The following NDST4 variants were observed in gnomAD, a reference collection of about 807,000 sequenced individuals.
NDST4 encodes the protein N-deacetylase and N-sulfotransferase 4.
NDST4 carries 63 observed loss-of-function variants against 100.8 expected under a neutral mutation model. The observed-to-expected ratio is 0.62, with a 90% CI of 0.51 to 0.77. The LOEUF is 0.77. Among genes scored for constraint, NDST4 ranks in the 30% least tolerant of loss-of-function variants. The pLI is 0.00. For synonymous variants in NDST4, 377 were observed against 361.8 expected, an observed-to-expected ratio of 1.04 and a Z score of -0.48; for missense variants, 943 against 1,018.4, an observed-to-expected ratio of 0.93 and a Z score of 1.01.
At chr4:114,866,229 C>A (rs1230006430) in intron 7 of NDST4, among the ~76,000 whole-genome samples, 2 of 152,200 alleles carry the variant, frequency 1.3e-5, no homozygotes, top group Non-Finnish European at 2.9e-5. Context: ...TTTTCACAAC[C>A]ATGAAGCTCT....
chr4:115,043,627 T>G (rs969176263), intron 2 of NDST4, among the ~76,000 whole-genome samples: 1 of 152,058 alleles, frequency 6.6e-6, no homozygotes, highest in East Asian at 1.9e-4. Flanking sequence ...GACTGATTGG[T>G]TGATTCAGAG....
chr4:115,097,330 A>G (rs1729639620), intron 1 of NDST4, among the ~76,000 whole-genome samples: 1 of 152,076 alleles, frequency 6.6e-6, no homozygotes, highest in Admixed American at 6.6e-5. Flanking sequence ...ACCAAACCTG[A>G]TTATCTGATA....
intron 6 of NDST4, among the ~76,000 whole-genome samples, chr4:114,933,860 G>A (rs375813865): frequency 7.2e-5 from 11 of 152,090 alleles, no homozygotes; most frequent in African/African-American, 1.9e-4. Flanking sequence ...AGATAACAAA[G>A]TTGGCGAGGA....
intron 2 of NDST4, among the ~76,000 whole-genome samples, chr4:115,012,354 A>C (rs1727568312): frequency 6.6e-6 from 1 of 151,996 alleles, no homozygotes. Flanking sequence ...TTGAACCAGC[A>C]TCTTAAATTT....
At chr4:114,866,177 C>T (rs1477648363) in intron 7 of NDST4, among the ~76,000 whole-genome samples, 2 of 152,170 alleles carry the variant, frequency 1.3e-5, no homozygotes, top group Admixed American at 6.5e-5. Flanking sequence ...ATCACTCTTT[C>T]GTTATTCTCA....
chr4:115,057,517 A>G (rs1728721494), intron 2 of NDST4, among the ~76,000 whole-genome samples: 1 of 152,124 alleles, frequency 6.6e-6, no homozygotes, highest in African/African-American at 2.4e-5. Flanking sequence ...TGCCAACCTG[A>G]AAGTACTATT....
intron 7 of NDST4, among the ~76,000 whole-genome samples, chr4:114,857,876 T>C (rs1415422763): frequency 1.3e-5 from 2 of 152,044 alleles, no homozygotes; most frequent in East Asian, 3.9e-4. Context: ...TGGATGGACC[T>C]ATGATAGTGT....
chr4:115,084,719 A>G (rs966796272), intron 1 of NDST4, among the ~76,000 whole-genome samples: 1 of 152,204 alleles, frequency 6.6e-6, no homozygotes, highest in African/African-American at 2.4e-5. Flanking sequence ...GCCTGTTGGC[A>G]CACAGAAATC....
chr4:115,094,480 T>C (rs1729582279), intron 1 of NDST4, among the ~76,000 whole-genome samples: 1 of 152,130 alleles, frequency 6.6e-6, no homozygotes, highest in Admixed American at 6.6e-5. Context: ...ACATAATTCA[T>C]GAATATAAGA....
intron 4 of NDST4, among the ~76,000 whole-genome samples, chr4:114,941,020 T>C (rs1022415262): frequency 1.3e-5 from 2 of 152,188 alleles, no homozygotes; most frequent in Non-Finnish European, 2.9e-5. Flanking sequence ...AGAATGCATG[T>C]TCTCACTTTG....
intron 2 of NDST4, among the ~76,000 whole-genome samples, chr4:114,995,949 T>C (rs1389001842): frequency 6.6e-6 from 1 of 152,078 alleles, no homozygotes; most frequent in East Asian, 1.9e-4. Flanking sequence ...CTCATACAAG[T>C]CATATGCAAT....
intron 2 of NDST4, among the ~76,000 whole-genome samples, chr4:115,028,696 A>G (rs1371641374): frequency 6.6e-6 from 1 of 152,142 alleles, no homozygotes; most frequent in Non-Finnish European, 1.5e-5. Flanking sequence ...GCAATATAAT[A>G]AAAATTGAAA....
chr4:115,024,414 G>A (rs1318432124), intron 2 of NDST4, among the ~76,000 whole-genome samples: 1 of 151,522 alleles, frequency 6.6e-6, no homozygotes, highest in Non-Finnish European at 1.5e-5. Flanking sequence ...GGAGTCAAAC[G>A]TCATTATTCT....
intron 2 of NDST4, among the ~76,000 whole-genome samples, chr4:115,003,730 C>T (rs375820739): frequency 5.9e-5 from 9 of 151,688 alleles, no homozygotes; most frequent in African/African-American, 2.2e-4. Flanking sequence ...TAGCCAGGCA[C>T]GGTGGCGGGC....
At chr4:115,109,798 T>C (rs1729908520) in intron 1 of NDST4, among the ~76,000 whole-genome samples, 1 of 151,922 alleles carries the variant, frequency 6.6e-6, no homozygotes, top group African/African-American at 2.4e-5. Flanking sequence ...AAAACCATTA[T>C]TTAGCCTGTC....
chr4:115,068,756 C>T (rs1185879219), intron 2 of NDST4, among the ~76,000 whole-genome samples: 2 of 146,648 alleles, frequency 1.4e-5, no homozygotes, highest in African/African-American at 5.1e-5. Context: ...GTGGAGCTTG[C>T]AGTGAGCCCA....
At chr4:115,091,128 T>A (rs1346296079) in intron 1 of NDST4, among the ~76,000 whole-genome samples, 2 of 152,126 alleles carry the variant, frequency 1.3e-5, no homozygotes, top group East Asian at 3.8e-4. Context: ...ATATCTACAA[T>A]TCATATATAT....
rs1727520963 is a variant in NDST4 at position 115,010,558 on chromosome 4, G to T, written c.979-33284C>A. On this transcript the variant is annotated intron_variant, in intron 2 of 13. Coordinates refer to ENST00000264363, the MANE Select transcript of NDST4 (RefSeq NM_022569.3). ...TTGTGGGGTTGGGGGAGGGGGTAGG[G>T]ATAGCTTTAAGAGATATACCTTATG... Among the ~76,000 whole-genome samples the T allele has an allele frequency of 1.6e-5, 2 of 128,408 alleles. 1 individual carries two copies. The highest frequency in any genetic ancestry group is 3.3e-5 in the Non-Finnish European group (2 of 60,076). The allele number at this position is 128,408 out of a possible 152,430, so 84.2% of individuals were successfully genotyped here. A position where few individuals can be genotyped will look rare whatever the true frequency, so the allele number is the denominator to read the frequency against.
intron 2 of NDST4, among the ~76,000 whole-genome samples, chr4:115,015,464 A>G (rs1314744708): frequency 1.3e-5 from 2 of 152,080 alleles, no homozygotes; most frequent in Non-Finnish European, 2.9e-5. Context: ...ATTATGCAGT[A>G]ATATACTAAT....
Sources: gnomAD v4.1 joint callset for allele counts (sites outside exome capture counted in the v4.1 genomes callset) on GRCh38, gnomAD v4.1.1 for gene constraint, MANE v1.5 for transcripts, NCBI Gene and HGNC (gene_info 2026-07-23, HGNC 2026-07-21) for gene names.